MARK2: variants seen among roughly 807,000 people sequenced by gnomAD.
MARK2 encodes the protein microtubule affinity regulating kinase 2.
Under a neutral mutation model 89.8 loss-of-function variants are expected in MARK2, and 16 were observed. The observed-to-expected ratio is 0.18, with a 90% CI of 0.12 to 0.27. MARK2 has a LOEUF of 0.27. Among genes scored for constraint, MARK2 ranks in the 10% least tolerant of loss-of-function variants. The pLI is 1.00. For missense variants in MARK2, 621 were observed against 1,049.9 expected, an observed-to-expected ratio of 0.59 and a Z score of 5.65; for synonymous variants, 382 against 399.5, an observed-to-expected ratio of 0.96 and a Z score of 0.52.
chr11:63,862,071 C>T (rs1006846184), intron 1 of MARK2, among the ~76,000 whole-genome samples: 6 of 151,878 alleles, frequency 4.0e-5, no homozygotes, highest in African/African-American at 1.5e-4. Flanking sequence ...TTGCAGGTAT[C>T]CGCCACCATG....
intron 1 of MARK2, among the ~76,000 whole-genome samples, chr11:63,892,220 G>A (rs542247295): frequency 6.6e-6 from 1 of 152,162 alleles, no homozygotes; most frequent in Non-Finnish European, 1.5e-5. Context: ...TCTACCAAAT[G>A]CATGGGATCT....
intron 1 of MARK2, among the ~76,000 whole-genome samples, chr11:63,891,522 G>A (rs1565128746): frequency 6.6e-6 from 1 of 152,224 alleles, no homozygotes; most frequent in Admixed American, 6.5e-5. Flanking sequence ...ATGGGCATGG[G>A]ATGCCCAGAT....
intron 1 of MARK2, among the ~76,000 whole-genome samples, chr11:63,871,408 C>G (rs1180160275): frequency 1.8e-5 from 2 of 108,516 alleles, no homozygotes; most frequent in Non-Finnish European, 3.8e-5. Flanking sequence ...GAGTATTCAC[C>G]GTGTGCAGGT....
In MARK2 at chr11:63,903,930, G is replaced by T; in HGVS notation, c.1515-56G>T. ...CCCCTGCCCTTGCTTCCTAATCCAG[G>T]CCTCCCGCCCTCACTCACCCCTAAC... On this transcript the variant is annotated intron_variant, in intron 14 of 18. Transcript: ENST00000402010. This position sits in a 1 kb window ranked among gnomAD's most constrained non-coding sequence, Gnocchi z 5.1. 6.8e-7 allele frequency: 1 copy of T among 1,472,584 alleles called. No homozygotes were observed. The allele number at this position is 1,472,584 out of a possible 1,614,324, so 91.2% of individuals were successfully genotyped here.
intron 11 of MARK2, 87 bp downstream of exon 11, chr11:63,901,156 T>C (rs1450738622): frequency 1.2e-6 from 1 of 867,858 alleles, no homozygotes; most frequent in African/African-American, 1.7e-5. Context: ...GGGCAGAAGC[T>C]CATCTCTGAG....
chr11:63,839,942 A>G (rs2015924658), intron 1 of MARK2, among the ~76,000 whole-genome samples: 1 of 151,970 alleles, frequency 6.6e-6, no homozygotes, highest in East Asian at 1.9e-4. Context: ...GCGATTTGCC[A>G]CAGATCGTTG....
intron 1 of MARK2, among the ~76,000 whole-genome samples, chr11:63,889,189 CGAGGAGGGGCTGGTGG>C (rs1939622131): frequency 6.6e-6 from 1 of 152,006 alleles, no homozygotes; most frequent in South Asian, 2.1e-4. Context: ...GACAAGTGGG[CGAGGAGGGGCTGGTGG>C]GAGGCAGAGG....
At chr11:63,867,529 T>C (rs1938203892) in intron 1 of MARK2, among the ~76,000 whole-genome samples, 1 of 152,212 alleles carries the variant, frequency 6.6e-6, no homozygotes, top group African/African-American at 2.4e-5. Context: ...CTGTTGGTGT[T>C]GTAAGGGGCT....
chr11:63,902,578 T>G lies in MARK2; in HGVS notation c.1235-23T>G. On this transcript the variant is annotated intron_variant, in intron 12 of 18. Coordinates refer to ENST00000402010, the MANE Select transcript of MARK2 (RefSeq NM_001039469.3). The surrounding 1 kb of genome is among the most constrained non-coding windows in gnomAD (Gnocchi z 4.2). ...TCAGTGGACCCCTTGGCCTTACCCA[T>G]TCCCATCCTCCCTCTGGCCCAGCAG... The G allele has an allele frequency of 6.2e-7, 1 of 1,609,002 alleles. No homozygotes were observed. The highest frequency in any genetic ancestry group is 8.5e-7 in the Non-Finnish European group (1 of 1,176,812).
intron 1 of MARK2, among the ~76,000 whole-genome samples, chr11:63,858,853 G>C (rs145836740): frequency 6.6e-6 from 1 of 152,262 alleles, no homozygotes; most frequent in East Asian, 1.9e-4. Context: ...AATTTCTGGG[G>C]CCCTGGCTGG....
chr11:63,904,991 C>T lies in MARK2; in HGVS notation c.1882C>T (p.Arg628Trp). The T allele has an allele frequency of 1.2e-6, 2 of 1,611,882 alleles. No individual in the cohort carries two copies. Among genetic ancestry groups the T allele is most frequent in the South Asian group, 1.1e-5 (1 of 91,048 alleles). ...ASPSGHSQGR[R>W]GASGSIFSKF... ...TCCCTCTGGCCACAGCCAGGGCCGG[C>T]GGGGGGCCTCTGGGAGCATCTTCAG... Residue 628 changes from arginine (R) to tryptophan (W), a missense_variant, in exon 16 of 19, where the codon CGG (arginine) becomes TGG (tryptophan). Transcript: ENST00000402010. The surrounding 1 kb of genome is among the most constrained non-coding windows in gnomAD (Gnocchi z 6.3).
Position 63,902,154 on chromosome 11 carries a change from C to T in MARK2, c.1102-44C>T. ...ATGTGTCCATCCATAGGGATCTCCA[C>T]ATGACTTCTGCCCTCCCTTGAAGCT... On this transcript the variant is annotated intron_variant, in intron 11 of 18. Transcript: ENST00000402010. This position sits in a 1 kb window ranked among gnomAD's most constrained non-coding sequence, Gnocchi z 4.2. The T allele has an allele frequency of 1.2e-6, 2 of 1,610,164 alleles. No individual in the cohort carries two copies. Among genetic ancestry groups the T allele is most frequent in the Non-Finnish European group, 1.7e-6 (2 of 1,176,958 alleles).
Position 63,839,216 on chromosome 11 carries a change from C to G in MARK2, c.-291C>G. On this transcript the variant is annotated 5_prime_UTR_variant, in exon 1 of 19. Transcript: ENST00000402010. ...GCAGGGGAGGAGCGAGGCAGGCGGC[C>G]GGCTGCGGCGGCAGAGAGTAGGCGG... 4.5e-6 allele frequency: 1 copy of G among 224,194 alleles called. No homozygotes were observed. The highest frequency in any genetic ancestry group is 8.6e-6 in the Non-Finnish European group (1 of 116,924). The allele number at this position is 224,194 out of a possible 1,614,324, so 13.9% of individuals were successfully genotyped here.
At chr11:63,898,365 G>T in intron 4 of MARK2, 85 bp downstream of exon 4, 2 of 1,291,704 alleles carry the variant, frequency 1.5e-6, no homozygotes, top group Admixed American at 3.4e-5. Context: ...GAGGTGCACT[G>T]CCTTCTGGAG....
intron 1 of MARK2, chr11:63,890,271 A>G: frequency 1.5e-6 from 2 of 1,345,378 alleles, no homozygotes; most frequent in South Asian, 1.2e-5. Flanking sequence ...GAAACATCTT[A>G]CAGCATAGAA....
At chr11:63,882,828 A>G (rs1388747328) in intron 1 of MARK2, 4 of 152,386 alleles carry the variant, frequency 2.6e-5, no homozygotes, top group African/African-American at 9.6e-5. Flanking sequence ...ATATGCCAAG[A>G]ACATATATAC....
chr11:63,860,557 A>T (rs9943478), intron 1 of MARK2, among the ~76,000 whole-genome samples: 2,576 of 150,324 alleles, frequency 0.017, 65 homozygotes, highest in African/African-American at 0.057. Context: ...CAAAAAAAAA[A>T]AAATAAATAG....
chr11:63,875,750 G>A (rs1384936582), intron 1 of MARK2, among the ~76,000 whole-genome samples: 5 of 152,210 alleles, frequency 3.3e-5, no homozygotes. Flanking sequence ...GTTATGTTGT[G>A]TGAAGGACAG....
chr11:63,886,077 C>T (rs1480120042), intron 1 of MARK2, among the ~76,000 whole-genome samples: 3 of 151,026 alleles, frequency 2.0e-5, no homozygotes, highest in African/African-American at 2.4e-5. Context: ...TGCGGTGAGC[C>T]GAGATTGCGC....
Sources: allele counts gnomAD v4.1 joint callset (sites outside exome capture counted in the v4.1 genomes callset), GRCh38; gene constraint gnomAD v4.1.1; non-coding constraint Gnocchi (gnomAD v3.1); transcripts MANE v1.5; gene names NCBI Gene and HGNC (gene_info 2026-07-23, HGNC 2026-07-21).